The following RSBN1 variants were observed in gnomAD, a reference collection of about 807,000 sequenced individuals.
The protein encoded by RSBN1 is lysine-specific demethylase 9.
A neutral mutation model predicts 74.8 loss-of-function variants in RSBN1; 23 were observed. The ratio of observed to expected loss-of-function variants is 0.31; its 90% CI spans 0.22 to 0.44. The LOEUF (loss-of-function observed/expected upper bound fraction) is 0.44. RSBN1 is among the 20% of genes least tolerant of loss of function. The pLI is 1.00. For missense variants in RSBN1, 808 were observed against 1,020.9 expected (o/e 0.79, Z 2.84); for synonymous variants, 407 against 379.6 (o/e 1.07, Z -0.84).
intron 2 of RSBN1, among the ~76,000 whole-genome samples, chr1:113,794,407 G>T (rs1299346441): frequency 1.3e-5 from 2 of 152,004 alleles, no homozygotes; most frequent in African/African-American, 4.8e-5. Flanking sequence ...TTAGGAAAAA[G>T]TACTAACTTT....
At chr1:113,786,902 T>G (rs1660254785) in intron 2 of RSBN1, among the ~76,000 whole-genome samples, 1 of 152,176 alleles carries the variant, frequency 6.6e-6, no homozygotes. Context: ...ATAAACTAAT[T>G]ACACTGATTT....
At chr1:113,806,595 T>C (rs1307104547) in intron 1 of RSBN1, among the ~76,000 whole-genome samples, 2 of 151,978 alleles carry the variant, frequency 1.3e-5, no homozygotes, top group East Asian at 3.9e-4. Context: ...GATCTAGGAC[T>C]TGGTATGTTA....
chr1:113,812,256 C>T lies in RSBN1; in HGVS notation c.157G>A (p.Val53Ile). 1 of 1,606,056 alleles carries T rather than the reference C, an allele frequency of 6.2e-7. No homozygotes were observed. The highest frequency in any genetic ancestry group is 8.5e-7 in the Non-Finnish European group (1 of 1,179,864). ...CVFVGEMAAQ[V>I]GAVRVVRAVA... ...GCCCGTACTACGCGCACCGCTCCGA[C>T]CTGCGCAGCCATTTCACCCACAAAC... Residue 53 changes from valine to isoleucine, a missense_variant, in exon 1 of 7, where the codon GTC becomes ATC. This residue lies in a region of RSBN1 where 464 missense variants were observed against 401.0 expected (regional missense o/e 1.16). Coordinates refer to ENST00000261441, the MANE Select transcript of RSBN1 (RefSeq NM_018364.5).
Position 113,811,797 on chromosome 1 carries a change from A to G in RSBN1, c.616T>C (p.Ser206Pro). 1 of 1,613,656 alleles carries G rather than the reference A, an allele frequency of 6.2e-7. No individual in the cohort carries two copies. The highest frequency in any genetic ancestry group is 8.5e-7 in the Non-Finnish European group (1 of 1,179,954). Reference protein sequence around the residue: ...HHRGPDGDPSSCGTDLKHKDK... With the variant: ...HHRGPDGDPSPCGTDLKHKDK... ...TTGTGCTTGAGATCGGTTCCGCAGG[A>G]GCTGGGATCACCATCGGGGCCGCGG... Residue 206 changes from serine (S) to proline (P), a missense_variant, in exon 1 of 7, where the codon TCC (serine) becomes CCC (proline). By Grantham distance (74) the Ser-to-Pro change is moderately conservative (BLOSUM62 -1). Around this residue, in one of 6 missense-constraint regions of RSBN1, gnomAD observed 464 missense variants for 401.0 expected, o/e 1.16. Coordinates refer to ENST00000261441, the MANE Select transcript of RSBN1 (RefSeq NM_018364.5).
rs1230468355 is a variant in RSBN1, at chr1:113,762,509, A to G, written c.*3471T>C. 2.6e-5 allele frequency: 4 copies of G among 152,644 alleles called. No individual in the cohort carries two copies. The highest frequency in any genetic ancestry group is 4.4e-5 in the Non-Finnish European group (3 of 68,018). The allele number at this position is 152,644 out of a possible 1,614,324, so 9.5% of individuals were successfully genotyped here. ...CAGATGTGAACCTCTGGCATGTGCT[A>G]GCTAGTGAAAGGTTCTTTTTTAAAA... is the stretch of plus-strand genomic sequence containing the variant. On this transcript the variant is annotated 3_prime_UTR_variant, in exon 7 of 7. Transcript: ENST00000261441.
intron 2 of RSBN1, among the ~76,000 whole-genome samples, chr1:113,793,409 T>C (rs866143605): frequency 1.3e-5 from 2 of 152,258 alleles, no homozygotes; most frequent in Non-Finnish European, 1.5e-5. Flanking sequence ...ATCCTTCATA[T>C]GGATAAAATA....
In RSBN1 at chr1:113,762,261, A is replaced by ATTT. The variant is rs1413175927; in HGVS notation, c.*3716_*3718dup. On this transcript the variant is annotated 3_prime_UTR_variant, in exon 7 of 7. Coordinates refer to ENST00000261441, the MANE Select transcript of RSBN1 (RefSeq NM_018364.5). ...TTTAGAGAGAATTGAAAAGTGCTAT[A>ATTT]TTTTAAGAGACAGTGGTCTCAACTA... The ATTT allele has an allele frequency of 6.5e-6, 1 of 152,798 alleles. No individual in the cohort carries two copies. Among genetic ancestry groups the ATTT allele is most frequent in the Non-Finnish European group, 1.5e-5 (1 of 68,030 alleles). The allele number at this position is 152,798 out of a possible 1,614,324, so 9.5% of individuals were successfully genotyped here.
chr1:113,812,315 GCGCATCGCGCA>G lies in RSBN1; in HGVS notation c.87_97del (p.Ala30GlyfsTer9), dbSNP rs768879483. The G allele has an allele frequency of 1.2e-6, 2 of 1,603,940 alleles. No homozygotes were observed. Among genetic ancestry groups the G allele is most frequent in the Admixed American group, 3.3e-5 (2 of 59,988 alleles). Reference sequence around the variant, plus strand: ...AAATGGCCCGACCGCCCCCCCGTCCGCGCATCGCGCAAGCGCCGCCCGCGCACTGCCCGCTG... The same window carrying G: ...AAATGGCCCGACCGCCCCCCCGTCCGAGCGCCGCCCGCGCACTGCCCGCTG... On this transcript the variant is annotated frameshift_variant, in exon 1 of 7. Transcript: ENST00000261441. LOFTEE classifies it high-confidence loss of function.
intron 5 of RSBN1, 109 bp downstream of exon 5, chr1:113,768,113 T>C: frequency 4.5e-6 from 4 of 894,082 alleles, no homozygotes; most frequent in Non-Finnish European, 6.5e-6. Context: ...TGGCAAACTT[T>C]ATGTGTATTT....
chr1:113,777,533 T>C (rs1018201038), intron 3 of RSBN1, 138 bp downstream of exon 3: 7 of 954,004 alleles, frequency 7.3e-6, no homozygotes, highest in Non-Finnish European at 9.0e-6. Flanking sequence ...TGTACTAATA[T>C]TATTCTATCT....
In RSBN1 at chr1:113,797,520, G is replaced by T; in HGVS notation, c.1220C>A (p.Ala407Asp). Residue 407 changes from alanine (A) to aspartate (D), a missense_variant, in exon 2 of 7, where the codon GCT becomes GAT. By Grantham distance (126) the Ala-to-Asp change is moderately radical. Around this residue, in one of 6 missense-constraint regions of RSBN1, gnomAD observed 112 missense variants for 257.3 expected, o/e 0.44. Coordinates refer to ENST00000261441, the MANE Select transcript of RSBN1 (RefSeq NM_018364.5). ...CACTATTGCTAAAGCATAGTAAGCA[G>T]CATTTTTCTCATTTTCACTGAATGT... ...ALTFSENEKN[A>D]AYYALAIVHG... 1 of 1,613,718 alleles carries T rather than the reference G, an allele frequency of 6.2e-7. No homozygotes were observed.
At chr1:113,777,604 C>T in intron 3 of RSBN1, 67 bp downstream of exon 3, 2 of 1,436,920 alleles carry the variant, frequency 1.4e-6, no homozygotes, top group Non-Finnish European at 9.5e-7. Flanking sequence ...TAGCTAAATA[C>T]TCTTCAACAT....
rs1001467511 is a variant in RSBN1, at chr1:113,812,314, C to T, written c.99G>A (p.Ala33=). 6 of 1,603,926 alleles carry T rather than the reference C, an allele frequency of 3.7e-6. No individual in the cohort carries two copies. In the African/African-American group the frequency reaches 8.0e-5, roughly 21 times the overall value. ...GSARAALARC[A]DGGAVGPFKC... is the part of the protein sequence containing the mutation. The stretch of plus-strand genomic sequence containing the variant: ...TAAATGGCCCGACCGCCCCCCCGTC[C>T]GCGCATCGCGCAAGCGCCGCCCGCG... The change falls in exon 1 of 7, where the codon GCG becomes GCA. Residue 33 remains alanine, a synonymous_variant. Coordinates refer to ENST00000261441, the MANE Select transcript of RSBN1 (RefSeq NM_018364.5).
At chr1:113,806,380 T>C (rs1165010222) in intron 1 of RSBN1, among the ~76,000 whole-genome samples, 1 of 151,928 alleles carries the variant, frequency 6.6e-6, no homozygotes, top group African/African-American at 2.4e-5. Flanking sequence ...TACTGATTTT[T>C]GAAAAAAGTG....
At chr1:113,779,859 A>G (rs183752137) in intron 2 of RSBN1, among the ~76,000 whole-genome samples, 1 of 150,436 alleles carries the variant, frequency 6.6e-6, no homozygotes, top group East Asian at 2.0e-4. Flanking sequence ...CGTCTCTACT[A>G]AAAATACAAA....
At chr1:113,786,831 G>A (rs1013700584) in intron 2 of RSBN1, among the ~76,000 whole-genome samples, 5 of 152,052 alleles carry the variant, frequency 3.3e-5, no homozygotes, top group Middle Eastern at 3.2e-3. Context: ...AAAATTAGCC[G>A]GGCGTGGTGG....
At chr1:113,774,163 G>T (rs1378017225) in intron 4 of RSBN1, among the ~76,000 whole-genome samples, 1 of 152,074 alleles carries the variant, frequency 6.6e-6, no homozygotes, top group East Asian at 1.9e-4. Flanking sequence ...GATTTCTATG[G>T]TATAAATACA....
At chr1:113,766,966 C>CA (rs1659792422) in intron 6 of RSBN1, 133 bp downstream of exon 6, 3 of 549,676 alleles carry the variant, frequency 5.5e-6, no homozygotes, top group Non-Finnish European at 9.5e-6. Flanking sequence ...GCACCACCCC[C>CA]ACCCCAGTCT....
intron 2 of RSBN1, among the ~76,000 whole-genome samples, chr1:113,785,874 G>C (rs962869419): frequency 6.6e-6 from 1 of 152,186 alleles, no homozygotes; most frequent in African/African-American, 2.4e-5. Context: ...AAAATCAGCT[G>C]TAGCTGGATT....
Sources: allele counts gnomAD v4.1 joint callset (sites outside exome capture counted in the v4.1 genomes callset), GRCh38; gene constraint gnomAD v4.1.1; regional missense constraint gnomAD v4.1.1; transcripts MANE v1.5; gene names NCBI Gene and HGNC (gene_info 2026-07-23, HGNC 2026-07-21).